TMCO5A: variants seen among roughly 807,000 people sequenced by gnomAD.
TMCO5A encodes transmembrane and coiled-coil domains 5A.
Under a neutral mutation model 42.3 loss-of-function variants are expected in TMCO5A, and 34 were observed. The ratio of observed to expected loss-of-function variants is 0.80; its 90% confidence interval spans 0.61 to 1.07. The LOEUF (loss-of-function observed/expected upper bound fraction) is 1.07, where lower values mean the gene tolerates loss of function less well. Among genes scored for constraint, TMCO5A ranks in the 50% least tolerant of loss-of-function variants. The pLI, the probability that TMCO5A is intolerant of heterozygous loss-of-function variation, is 0.00. For synonymous variants in TMCO5A, 131 were observed against 115.6 expected, an observed-to-expected ratio of 1.13 and a Z score of -0.86; for missense variants, 357 against 327.9, an observed-to-expected ratio of 1.09 and a Z score of -0.69.
At chr15:37,943,579 A>C (rs1427112453) in intron 10 of TMCO5A, 181 bp downstream of exon 10, 1 of 570,328 alleles carries the variant, frequency 1.8e-6, no homozygotes, top group East Asian at 3.0e-5. Context: ...CTAAGGAACA[A>C]TCTACTTTCT....
chr15:38,005,085 C>G, the TMCO5A span, among the ~76,000 whole-genome samples: 16 of 152,006 alleles, frequency 1.1e-4, no homozygotes, highest in African/African-American at 3.4e-4. Flanking sequence ...TCCATCACCC[C>G]TATTGCATTA....
the TMCO5A span, among the ~76,000 whole-genome samples, chr15:38,018,901 C>G: frequency 0.047 from 7,067 of 151,976 alleles, 569 homozygotes; most frequent in African/African-American, 0.16. Flanking sequence ...ACATACAACA[C>G]TAGATGTTAA....
In TMCO5A at chr15:37,962,687, G is replaced by A. The variant is rs148353674; in HGVS notation, c.669-3938G>A. Among the ~76,000 whole-genome samples, 192 of 152,058 alleles carry A rather than the reference G, an allele frequency of 1.3e-3. 1 individual carries two copies. Among genetic ancestry groups the A allele is most frequent in the African/African-American group, 4.3e-3 (178 of 41,532 alleles). ...TGGTCCTGGACTTTTTTGTGTGTTG[G>A]TAATTTTCAAATTGCCATTTCTATC... On this transcript the variant is annotated intron_variant, in intron 11 of 11. Coordinates refer to the TMCO5A transcript ENST00000559502.
the TMCO5A span, among the ~76,000 whole-genome samples, chr15:38,017,510 G>A: frequency 0.072 from 10,880 of 152,052 alleles, 1,259 homozygotes; most frequent in African/African-American, 0.24. Context: ...AATTTAGATC[G>A]GTATAATGGA....
chr15:37,981,200 C>CAAAAAAAAAAAAAAAAAAAAAAAAA, the TMCO5A span, among the ~76,000 whole-genome samples: 1 of 65,318 alleles, frequency 1.5e-5, no homozygotes. Flanking sequence ...AGAAAGCCAG[C>CAAAAAAAAAAAAAAAAAAAAAAAAA]AAAAAAAAAA....
At chr15:38,038,747 T>C in the TMCO5A span, among the ~76,000 whole-genome samples, 41 of 152,342 alleles carry the variant, frequency 2.7e-4, no homozygotes, top group East Asian at 7.7e-3. Context: ...ACTTTTACTC[T>C]ACTGGGTTTC....
chr15:37,939,980 G>A (rs1345182280), intron 6 of TMCO5A, among the ~76,000 whole-genome samples: 1 of 151,928 alleles, frequency 6.6e-6, no homozygotes, highest in Admixed American at 6.6e-5. Flanking sequence ...GGTCATGTCT[G>A]CTCTTCTACA....
chr15:37,948,393 G>A (rs1379021630), intron 11 of TMCO5A, among the ~76,000 whole-genome samples: 2 of 152,018 alleles, frequency 1.3e-5, no homozygotes, highest in Admixed American at 1.3e-4. Context: ...CCATCAAAAT[G>A]TTTAACATAA....
At chr15:37,982,536 A>ATTATATATTATTATGATATATAATTGT in the TMCO5A span, among the ~76,000 whole-genome samples, 1 of 141,548 alleles carries the variant, frequency 7.1e-6, no homozygotes, top group South Asian at 2.1e-4. Context: ...TATAATAGAT[A>ATTATATATTATTATGATATATAATTGT]TTATATATTA....
At chr15:38,002,214 T>G in the TMCO5A span, among the ~76,000 whole-genome samples, 2 of 152,022 alleles carry the variant, frequency 1.3e-5, no homozygotes, top group Non-Finnish European at 2.9e-5. Flanking sequence ...AAAGGTTTTT[T>G]TTTTTTCCTT....
intron 6 of TMCO5A, among the ~76,000 whole-genome samples, chr15:37,938,858 G>A (rs1889626330): frequency 6.6e-6 from 1 of 152,028 alleles, no homozygotes; most frequent in South Asian, 2.1e-4. Context: ...GTGTTCCAGA[G>A]CTAAGAACCT....
At chr15:37,972,616 A>C (rs1182075882), downstream of TMCO5A, among the ~76,000 whole-genome samples, 2 of 151,716 alleles carry the variant, frequency 1.3e-5, no homozygotes, top group African/African-American at 4.8e-5. Flanking sequence ...TTCTTTGTTC[A>C]CGTTTTAATG....
At chr15:37,981,311 A>G in the TMCO5A span, among the ~76,000 whole-genome samples, 2 of 152,108 alleles carry the variant, frequency 1.3e-5, no homozygotes, top group African/African-American at 2.4e-5. Flanking sequence ...GGTATTTTAA[A>G]TGGTTTTATT....
intron 6 of TMCO5A, among the ~76,000 whole-genome samples, chr15:37,938,812 T>C (rs1889624781): frequency 6.6e-6 from 1 of 152,060 alleles, no homozygotes; most frequent in Non-Finnish European, 1.5e-5. Flanking sequence ...CACTACCTGC[T>C]AAGCACATCA....
the TMCO5A span, among the ~76,000 whole-genome samples, chr15:38,017,465 G>A: frequency 8.5e-5 from 13 of 152,246 alleles, no homozygotes; most frequent in South Asian, 1.2e-3. Context: ...CCTGCCTGCC[G>A]GAGAGGAGCC....
chr15:37,941,069 T>G, intron 6 of TMCO5A, 80 bp from the exon 7 acceptor site: 13 of 1,408,222 alleles, frequency 9.2e-6, no homozygotes, highest in Non-Finnish European at 1.3e-5. Flanking sequence ...TCACAGCTCG[T>G]GAGGCCACCT....
At chr15:38,010,425 T>TCTCACACACACACACACACACA in the TMCO5A span, among the ~76,000 whole-genome samples, 167 of 117,468 alleles carry the variant, frequency 1.4e-3, 1 homozygote, top group Non-Finnish European at 1.9e-3. Context: ...CAGAGGGAGA[T>TCTCACACACACACACACACACA]CACACACACA....
chr15:37,951,451 A>C (rs1034059928), downstream of TMCO5A: 1 of 482,772 alleles, frequency 2.1e-6, no homozygotes, highest in South Asian at 4.0e-5. Flanking sequence ...TCGGCTGAAT[A>C]GTACTTGATA....
chr15:38,005,094 T>A, the TMCO5A span, among the ~76,000 whole-genome samples: 1 of 152,066 alleles, frequency 6.6e-6, no homozygotes, highest in African/African-American at 2.4e-5. Context: ...CCTATTGCAT[T>A]ATGCCCAGTC....
Sources: gnomAD v4.1 joint callset for allele counts (sites outside exome capture counted in the v4.1 genomes callset) on GRCh38, gnomAD v4.1.1 for gene constraint, MANE v1.5 for transcripts, NCBI Gene and HGNC (gene_info 2026-07-23, HGNC 2026-07-21) for gene names.